Variants in NREP observed in about 807,000 individuals in gnomAD.
The protein encoded by NREP is neuronal regeneration related protein.
NREP carries 5 observed loss-of-function variants against 8.6 expected under a neutral mutation model. The observed-to-expected ratio is 0.58, with a 90% CI of 0.30 to 1.22. NREP has a LOEUF of 1.22. Among genes scored for constraint, NREP ranks in the 50% most tolerant of loss-of-function variants. NREP has a pLI of 0.07. For missense variants in NREP, 86 were observed against 82.5 expected, an observed-to-expected ratio of 1.04 and a Z score of -0.17; for synonymous variants, 27 against 28.0, an observed-to-expected ratio of 0.96 and a Z score of 0.11.
At chr5:111,742,529 G>A (rs1170536474) in intron 2 of NREP, among the ~76,000 whole-genome samples, 12 of 152,078 alleles carry the variant, frequency 7.9e-5, no homozygotes, top group Admixed American at 7.9e-4. Context: ...GCTGCTGAGT[G>A]TTTTAAAATT....
At chr5:111,839,719 G>A (rs920147430) in intron 2 of NREP, among the ~76,000 whole-genome samples, 3 of 152,030 alleles carry the variant, frequency 2.0e-5, no homozygotes, top group Non-Finnish European at 4.4e-5. Context: ...AGGAGCAAAA[G>A]TTGTTATAAT....
intron 2 of NREP, among the ~76,000 whole-genome samples, chr5:111,769,352 C>A (rs1007347005): frequency 5.9e-5 from 9 of 152,284 alleles, no homozygotes; most frequent in Non-Finnish European, 1.0e-4. Flanking sequence ...AATCACAAAT[C>A]CAAGGCACAA....
intron 2 of NREP, among the ~76,000 whole-genome samples, chr5:111,805,545 C>T (rs938665080): frequency 6.6e-6 from 1 of 152,092 alleles, no homozygotes; most frequent in African/African-American, 2.4e-5. Context: ...ATATTGTTAA[C>T]TGAACAAAGC....
At position 111,976,849 on chromosome 5, in the gene NREP, T is replaced by C. The variant is rs10515439; in HGVS notation, c.-110A>G. 2,806 of 769,692 alleles carry C rather than the reference T, an allele frequency of 3.6e-3. 10 individuals carry two copies. The highest frequency in any genetic ancestry group is 4.8e-3 in the Non-Finnish European group (2,268 of 470,118). 47.7% of individuals were successfully genotyped at this position (769,692 alleles called of 1,614,324 possible). ...GACACAGCTCTGCAGCCCATTCTGA[T>C]TGTCCAATGTTTCTTTTGATAAATA... On this transcript the variant is annotated 5_prime_UTR_variant, in exon 1 of 4. Coordinates refer to the NREP transcript ENST00000395634.
upstream of NREP, chr5:111,757,634 C>G (rs1303507883): frequency 2.0e-6 from 2 of 983,094 alleles, no homozygotes; most frequent in African/African-American, 3.5e-5. Context: ...CACCCCGCAC[C>G]CGCGCCCCGG....
intron 2 of NREP, among the ~76,000 whole-genome samples, chr5:111,852,719 G>A (rs554778823): frequency 3.3e-5 from 5 of 152,066 alleles, no homozygotes; most frequent in Non-Finnish European, 2.9e-5. Flanking sequence ...CTTCCTTAGG[G>A]TAATATGTTC....
chr5:111,849,200 A>G (rs906148418), intron 2 of NREP, among the ~76,000 whole-genome samples: 2 of 152,138 alleles, frequency 1.3e-5, no homozygotes, highest in Non-Finnish European at 2.9e-5. Context: ...CCTGGTAGAC[A>G]TGGTATCTAG....
intron 2 of NREP, among the ~76,000 whole-genome samples, chr5:111,798,983 T>C (rs1022035938): frequency 1.3e-5 from 2 of 152,198 alleles, no homozygotes; most frequent in African/African-American, 2.4e-5. Context: ...TACTTTTAGT[T>C]CTTTAAGAAA....
rs149085159 is a variant in NREP, at chr5:111,930,214, AGAG to A, written c.135+45057_135+45059del. On this transcript the variant is annotated intron_variant, in intron 2 of 3. Coordinates refer to the NREP transcript ENST00000395634. ...TGGTAGAAGGGGAGAGGTGAAACAGAGAGGAGATGAGATATAAGGCAACCAAGT... is the reference window on the plus strand; with the variant it reads ...TGGTAGAAGGGGAGAGGTGAAACAGAGAGATGAGATATAAGGCAACCAAGT... Among the ~76,000 whole-genome samples, 746 of 152,246 alleles carry A rather than the reference AGAG, an allele frequency of 4.9e-3. 24 individuals are homozygous for A. The highest frequency in any genetic ancestry group is 0.037 in the Admixed American group (563 of 15,274).
At chr5:111,796,419 A>G (rs992295118) in intron 2 of NREP, among the ~76,000 whole-genome samples, 1 of 152,312 alleles carries the variant, frequency 6.6e-6, no homozygotes, top group African/African-American at 2.4e-5. Flanking sequence ...TCTGGTGATT[A>G]GAATGTGAAT....
In NREP at chr5:111,888,448, G is replaced by A. The variant is rs1007229756; in HGVS notation, c.135+86826C>T. Among the ~76,000 whole-genome samples the A allele has an allele frequency of 6.6e-5, 10 of 152,194 alleles. No individual in the cohort carries two copies. The East Asian group carries it at 9.7e-4, about 15-fold the overall frequency. Reference sequence around the variant, plus strand: ...GAGTGAGTACCAAGCAAAGGGGGAAGCCCCTTATAAAACCATCAGATCTCA... The same window carrying A: ...GAGTGAGTACCAAGCAAAGGGGGAAACCCCTTATAAAACCATCAGATCTCA... On this transcript the variant is annotated intron_variant, in intron 2 of 3. Transcript: ENST00000395634.
chr5:111,913,104 C>T (rs1754958905), intron 2 of NREP, among the ~76,000 whole-genome samples: 1 of 152,016 alleles, frequency 6.6e-6, no homozygotes, highest in African/African-American at 2.4e-5. Context: ...TACAGCACAA[C>T]AAAAGTTGAA....
chr5:111,919,976 C>G (rs375852584), intron 2 of NREP, among the ~76,000 whole-genome samples: 3 of 24,060 alleles, frequency 1.2e-4, no homozygotes, highest in African/African-American at 2.9e-4. Flanking sequence ...AAAGAATACC[C>G]CCCCCCCCCA....
At chr5:111,946,420 T>C (rs146649963) in intron 2 of NREP, among the ~76,000 whole-genome samples, 257 of 152,170 alleles carry the variant, frequency 1.7e-3, no homozygotes, top group African/African-American at 5.8e-3. Flanking sequence ...AAGCCTTTCA[T>C]GTTAAATATT....
chr5:111,757,300 A>G, upstream of NREP: 1 of 654,342 alleles, frequency 1.5e-6, no homozygotes. Flanking sequence ...GAGGAGGGGG[A>G]AGGGAAACAA....
At chr5:111,830,438 G>A (rs1433884282) in intron 2 of NREP, among the ~76,000 whole-genome samples, 1 of 152,208 alleles carries the variant, frequency 6.6e-6, no homozygotes, top group Non-Finnish European at 1.5e-5. Context: ...GGAAAACATT[G>A]TGGCTTTCCT....
At chr5:111,787,298 G>T (rs992143935) in intron 2 of NREP, among the ~76,000 whole-genome samples, 1 of 152,200 alleles carries the variant, frequency 6.6e-6, no homozygotes, top group Non-Finnish European at 1.5e-5. Flanking sequence ...TTGAAAGAGA[G>T]AGAGAAATAT....
At chr5:111,878,316 G>A (rs1753960501) in intron 2 of NREP, among the ~76,000 whole-genome samples, 1 of 152,200 alleles carries the variant, frequency 6.6e-6, no homozygotes, top group Non-Finnish European at 1.5e-5. Flanking sequence ...TGGCAGGGAA[G>A]GCCTCAGGAA....
Position 111,861,835 on chromosome 5 carries a change from G to A in NREP, c.135+113439C>T, listed in dbSNP as rs151205522. Reference sequence around the variant, plus strand: ...CCCACAAAAAGCTTTTAATAACAATGGAAAGCACAGCACAGATAGTTATTA... The same window carrying A: ...CCCACAAAAAGCTTTTAATAACAATAGAAAGCACAGCACAGATAGTTATTA... On this transcript the variant is annotated intron_variant, in intron 2 of 3. Coordinates refer to the NREP transcript ENST00000395634. Among the ~76,000 whole-genome samples, 83 of 152,088 alleles carry A rather than the reference G, an allele frequency of 5.5e-4. No individual in the cohort carries two copies. The East Asian group carries it at 0.014, about 26-fold the overall frequency.
Sources: gnomAD v4.1 joint callset for allele counts (sites outside exome capture counted in the v4.1 genomes callset) on GRCh38, gnomAD v4.1.1 for gene constraint, MANE v1.5 for transcripts, NCBI Gene and HGNC (gene_info 2026-07-23, HGNC 2026-07-21) for gene names.